Variants in SNAP25 observed in about 807,000 individuals in gnomAD.
SNAP25 encodes the protein synaptosome associated protein 25, also known as synaptosomal-associated protein 25.
SNAP25 carries 3 observed loss-of-function variants against 28.7 expected under a neutral mutation model. That is an observed-to-expected ratio of 0.10 (90% CI 0.05 to 0.27). The LOEUF (loss-of-function observed/expected upper bound fraction) is 0.27, where lower values mean the gene tolerates loss of function less well. Ranked by LOEUF, SNAP25 falls within the 10% of genes least tolerant of loss-of-function variation. The pLI is 1.00. For synonymous variants in SNAP25, 61 were observed against 88.1 expected (o/e 0.69, Z 1.72); for missense variants, 117 against 278.7 (o/e 0.42, Z 4.13).
chr20:10,304,243 G>A (rs901940121), intron 7 of SNAP25, among the ~76,000 whole-genome samples: 1 of 152,180 alleles, frequency 6.6e-6, no homozygotes, highest in Non-Finnish European at 1.5e-5. Context: ...TTGGAAAAGT[G>A]AGCTAATAAT....
At chr20:10,226,916 G>T (rs145881415) in intron 1 of SNAP25, among the ~76,000 whole-genome samples, 1 of 152,008 alleles carries the variant, frequency 6.6e-6, no homozygotes, top group Non-Finnish European at 1.5e-5. Flanking sequence ...ACTTTCTGCC[G>T]CTCATGGGAG....
At chr20:10,289,762 T>C (rs1256429112) in intron 4 of SNAP25, among the ~76,000 whole-genome samples, 1 of 150,418 alleles carries the variant, frequency 6.6e-6, no homozygotes, top group East Asian at 1.9e-4. Context: ...TGATTTTTAC[T>C]AGATTGAGAA....
chr20:10,275,404 T>C, intron 1 of SNAP25, 25 bp from the exon 2 acceptor site: 3 of 1,216,776 alleles, frequency 2.5e-6, no homozygotes, highest in Non-Finnish European at 3.5e-6. Flanking sequence ...TAAGCTCTCA[T>C]ATTTTCATAT....
chr20:10,248,324 A>T (rs1220615608), intron 1 of SNAP25, among the ~76,000 whole-genome samples: 1 of 152,206 alleles, frequency 6.6e-6, no homozygotes, highest in Non-Finnish European at 1.5e-5. Flanking sequence ...TCCCTCCTTC[A>T]ATGCAAATTA....
intron 1 of SNAP25, among the ~76,000 whole-genome samples, chr20:10,265,180 T>G (rs1175391182): frequency 1.3e-5 from 2 of 152,290 alleles, no homozygotes; most frequent in East Asian, 3.9e-4. Context: ...AAGAGGAGAT[T>G]GAATTTCATG....
chr20:10,278,769 G>A (rs1344255472), intron 3 of SNAP25, among the ~76,000 whole-genome samples: 1 of 151,972 alleles, frequency 6.6e-6, no homozygotes, highest in Non-Finnish European at 1.5e-5. Flanking sequence ...AAAGGCAGCC[G>A]CCTCTCACAC....
At chr20:10,239,284 A>G (rs2062981198) in intron 1 of SNAP25, among the ~76,000 whole-genome samples, 1 of 152,208 alleles carries the variant, frequency 6.6e-6, no homozygotes, top group South Asian at 2.1e-4. Flanking sequence ...GCTGTAGACA[A>G]TAGTCGAATT....
At chr20:10,254,056 C>T (rs1461377742) in intron 1 of SNAP25, among the ~76,000 whole-genome samples, 1 of 152,186 alleles carries the variant, frequency 6.6e-6, no homozygotes, top group Non-Finnish European at 1.5e-5. Flanking sequence ...CAAGATTTAT[C>T]CCCGGAGGGT....
chr20:10,273,602 C>A (rs1033259678), intron 1 of SNAP25, among the ~76,000 whole-genome samples: 3 of 152,142 alleles, frequency 2.0e-5, no homozygotes, highest in Non-Finnish European at 4.4e-5. Context: ...GAGGAGAATA[C>A]CTGCTTCTGA....
intron 1 of SNAP25, among the ~76,000 whole-genome samples, chr20:10,248,665 C>T (rs2063172167): frequency 6.6e-6 from 1 of 152,188 alleles, no homozygotes; most frequent in Admixed American, 6.5e-5. Flanking sequence ...CCTGGGATCA[C>T]ACAGCAAGTA....
chr20:10,293,046 C>CAA lies in SNAP25; in HGVS notation c.164-115_164-114insAA. On this transcript the variant is annotated intron_variant, in intron 4 of 7. Transcript: ENST00000254976. The surrounding 1 kb of genome is among the most constrained non-coding windows in gnomAD (Gnocchi z 5.6). ...TAATCTGTGGCGTCCAGTTTTCTTT[C>CAA]TTTTTTTTTTTTTCTTTTTTAATGT... The CAA allele has an allele frequency of 4.5e-6, 5 of 1,120,080 alleles. No homozygotes were observed. The highest frequency in any genetic ancestry group is 6.2e-6 in the Non-Finnish European group (5 of 811,560). 69.4% of individuals were successfully genotyped at this position (1,120,080 alleles called of 1,614,324 possible). A position where few individuals can be genotyped will look rare whatever the true frequency, so the allele number is the denominator to read the frequency against.
chr20:10,234,408 A>C (rs908554435), intron 1 of SNAP25, among the ~76,000 whole-genome samples: 1 of 152,244 alleles, frequency 6.6e-6, no homozygotes, highest in Non-Finnish European at 1.5e-5. Flanking sequence ...CTATAGGCTT[A>C]ATACTACCCA....
chr20:10,278,449 G>A (rs1038380170), intron 3 of SNAP25, among the ~76,000 whole-genome samples: 15 of 152,122 alleles, frequency 9.9e-5, no homozygotes, highest in South Asian at 6.2e-4. Context: ...AGCAGCAGTC[G>A]GCCAGGCAAA....
At chr20:10,224,906 A>T (rs1025276341) in intron 1 of SNAP25, among the ~76,000 whole-genome samples, 2 of 151,826 alleles carry the variant, frequency 1.3e-5, no homozygotes, top group Non-Finnish European at 2.9e-5. Context: ...GCAATGTATT[A>T]GCTGCAGTTC....
chr20:10,220,077 C>G (rs1372472500), intron 1 of SNAP25, among the ~76,000 whole-genome samples: 1 of 152,080 alleles, frequency 6.6e-6, no homozygotes, highest in Non-Finnish European at 1.5e-5. Context: ...GTCTACAGAT[C>G]TTGGGTGAGC....
chr20:10,280,466 G>A (rs538560782), intron 3 of SNAP25, among the ~76,000 whole-genome samples: 1 of 152,310 alleles, frequency 6.6e-6, no homozygotes, highest in South Asian at 2.1e-4. Context: ...GAAGGGAGAT[G>A]TAAATTGGTA....
At chr20:10,232,861 A>C (rs2062850883) in intron 1 of SNAP25, among the ~76,000 whole-genome samples, 1 of 152,198 alleles carries the variant, frequency 6.6e-6, no homozygotes, top group Non-Finnish European at 1.5e-5. Context: ...GCAGAGACCA[A>C]ATCATCTGTG....
chr20:10,289,676 G>A (rs1004649780), intron 4 of SNAP25, among the ~76,000 whole-genome samples: 5 of 147,800 alleles, frequency 3.4e-5, no homozygotes, highest in African/African-American at 1.3e-4. Flanking sequence ...ATTCATAGAG[G>A]CAGCATCTTG....
intron 5 of SNAP25, among the ~76,000 whole-genome samples, chr20:10,295,573 A>T (rs362990): frequency 0.23 from 35,265 of 151,966 alleles, 4,447 homozygotes; most frequent in Middle Eastern, 0.33. Context: ...ACAATTTTCC[A>T]GTTTGTCTCT....
Sources: gnomAD v4.1 joint callset for allele counts (sites outside exome capture counted in the v4.1 genomes callset) on GRCh38, gnomAD v4.1.1 for gene constraint, Gnocchi (gnomAD v3.1) non-coding constraint, MANE v1.5 for transcripts, NCBI Gene and HGNC (gene_info 2026-07-23, HGNC 2026-07-21) for gene names.